The following VSTM4 variants were observed in gnomAD, a reference collection of about 807,000 sequenced individuals.
VSTM4 encodes V-set and transmembrane domain containing 4, also known as V-set and transmembrane domain-containing protein 4.
Under a neutral mutation model 36.4 loss-of-function variants are expected in VSTM4, and 20 were observed. That is an observed-to-expected ratio of 0.55 (90% CI 0.39 to 0.80). VSTM4 has a LOEUF of 0.80. Ranked by LOEUF, VSTM4 falls within the 30% of genes least tolerant of loss-of-function variation. VSTM4 has a pLI of 0.00. For missense variants in VSTM4, 392 were observed against 404.5 expected (o/e 0.97, Z 0.26); for synonymous variants, 182 against 173.9 (o/e 1.05, Z -0.37).
chr10:49,052,699 A>G (rs1843717333), intron 5 of VSTM4, among the ~76,000 whole-genome samples: 1 of 152,196 alleles, frequency 6.6e-6, no homozygotes, highest in Non-Finnish European at 1.5e-5. Context: ...TGCACGGTGT[A>G]GAATCAAATA....
In VSTM4 at chr10:49,107,647, T is replaced by C. The variant is rs772845976; in HGVS notation, c.404A>G (p.His135Arg). The C allele has an allele frequency of 1.2e-6, 2 of 1,613,880 alleles. No homozygotes were observed. The highest frequency in any genetic ancestry group is 1.1e-5 in the South Asian group (1 of 91,084). The change falls in exon 2 of 8, where the codon CAC becomes CGC. Residue 135 changes from histidine (H) to arginine (R), a missense_variant. Physicochemically the swap from His to Arg is conservative, Grantham distance 29. Coordinates refer to ENST00000332853, the MANE Select transcript of VSTM4 (RefSeq NM_001031746.5). ...GGACCAGGCCGTCCACTTGTTCCTGTGCCTGCTGATTTCCTGGACTCTGCA... is the reference window on the plus strand; with the variant it reads ...GGACCAGGCCGTCCACTTGTTCCTGCGCCTGCTGATTTCCTGGACTCTGCA... Reference protein sequence around the residue: ...YVCRVQEISRHRNKWTAWSNG... With the variant: ...YVCRVQEISRRRNKWTAWSNG...
At chr10:49,029,629 A>AGCAGACAG (rs1935160688) in intron 7 of VSTM4, among the ~76,000 whole-genome samples, 1 of 152,236 alleles carries the variant, frequency 6.6e-6, no homozygotes, top group Admixed American at 6.5e-5. Context: ...TATCCAGGTG[A>AGCAGACAG]GCAGACAGGC....
chr10:49,105,297 G>A (rs1844757793), intron 2 of VSTM4, among the ~76,000 whole-genome samples: 1 of 132,390 alleles, frequency 7.6e-6, no homozygotes, highest in African/African-American at 2.9e-5. Flanking sequence ...AAGAGACACA[G>A]AGGGAGGAAG....
In VSTM4 at chr10:49,057,357, T is replaced by C. The variant is rs543651038; in HGVS notation, c.668+7346A>G. Among the ~76,000 whole-genome samples, 14 of 152,294 alleles carry C rather than the reference T, an allele frequency of 9.2e-5. No individual in the cohort carries two copies. The South Asian group carries it at 2.3e-3, about 25-fold the overall frequency. On this transcript the variant is annotated intron_variant, in intron 5 of 7. Transcript: ENST00000332853. ...TTCTGAGAATAAGACATAAATCCAG[T>C]AAAGAGCTGGGCTGCACCAGTCTAC...
At chr10:49,093,474 A>G (rs1259161638) in intron 2 of VSTM4, among the ~76,000 whole-genome samples, 1 of 152,210 alleles carries the variant, frequency 6.6e-6, no homozygotes. Flanking sequence ...AGAAACAATG[A>G]TTTTTAAAAG....
chr10:49,040,345 T>C (rs1426096944), intron 7 of VSTM4, among the ~76,000 whole-genome samples: 1 of 151,552 alleles, frequency 6.6e-6, no homozygotes, highest in Non-Finnish European at 1.5e-5. Flanking sequence ...TGCAGTGGTG[T>C]GATCTCGGCT....
intron 7 of VSTM4, among the ~76,000 whole-genome samples, chr10:49,042,686 G>A (rs1484907808): frequency 6.6e-6 from 1 of 152,214 alleles, no homozygotes; most frequent in East Asian, 1.9e-4. Flanking sequence ...ACTCAACAGG[G>A]AGGGTGTGCA....
At chr10:49,048,863 G>C (rs1843655059) in intron 5 of VSTM4, among the ~76,000 whole-genome samples, 1 of 152,174 alleles carries the variant, frequency 6.6e-6, no homozygotes, top group African/African-American at 2.4e-5. Flanking sequence ...TCCTTGGAGG[G>C]ACCCAGCGTT....
At chr10:49,052,415 T>A (rs1267579346) in intron 5 of VSTM4, among the ~76,000 whole-genome samples, 1 of 147,690 alleles carries the variant, frequency 6.8e-6, no homozygotes, top group Non-Finnish European at 1.5e-5. Context: ...GAAGGATAGC[T>A]CCTTCTCTTG....
chr10:49,098,972 T>C (rs1042449960), intron 2 of VSTM4, among the ~76,000 whole-genome samples: 2 of 152,270 alleles, frequency 1.3e-5, no homozygotes, highest in Non-Finnish European at 2.9e-5. Flanking sequence ...GTGCTATTTC[T>C]TCACTGAGCC....
At chr10:49,072,297 C>T (rs985049085) in intron 4 of VSTM4, among the ~76,000 whole-genome samples, 4 of 152,168 alleles carry the variant, frequency 2.6e-5, no homozygotes, top group Non-Finnish European at 5.9e-5. Flanking sequence ...GCCCAAACCC[C>T]TTCTAAACCT....
chr10:49,096,077 T>G (rs1292805796), intron 2 of VSTM4, among the ~76,000 whole-genome samples: 1 of 152,238 alleles, frequency 6.6e-6, no homozygotes, highest in Admixed American at 6.5e-5. Flanking sequence ...TGTTGACACT[T>G]TAAACACCAT....
At chr10:49,100,634 A>T (rs558952941) in intron 2 of VSTM4, among the ~76,000 whole-genome samples, 1 of 152,318 alleles carries the variant, frequency 6.6e-6, no homozygotes, top group East Asian at 1.9e-4. Flanking sequence ...CTGGATAGGA[A>T]CATTTAAAAT....
intron 7 of VSTM4, among the ~76,000 whole-genome samples, chr10:49,042,456 G>T (rs1056514298): frequency 8.5e-5 from 13 of 152,228 alleles, no homozygotes; most frequent in Admixed American, 2.0e-4. Context: ...CAGGAGCAAG[G>T]CTGAGCCACA....
chr10:49,023,069 GA>G (rs1215591183), intron 7 of VSTM4, among the ~76,000 whole-genome samples: 31 of 152,140 alleles, frequency 2.0e-4, no homozygotes, highest in African/African-American at 5.8e-4. Context: ...TTCATAAGTG[GA>G]AAAGGTACTT....
chr10:49,023,386 C>T (rs573219812), intron 7 of VSTM4, among the ~76,000 whole-genome samples: 2 of 152,362 alleles, frequency 1.3e-5, no homozygotes, highest in South Asian at 2.1e-4. Flanking sequence ...GCATATTCCT[C>T]ACTGGTTTTC....
chr10:49,081,506 G>A (rs765259235), intron 3 of VSTM4, among the ~76,000 whole-genome samples: 13 of 152,238 alleles, frequency 8.5e-5, no homozygotes, highest in East Asian at 1.9e-4. Context: ...GGTAAGAACC[G>A]CAGTAGGCAT....
chr10:49,114,162 G>A (rs775335300), intron 1 of VSTM4, among the ~76,000 whole-genome samples: 1 of 152,082 alleles, frequency 6.6e-6, no homozygotes, highest in Non-Finnish European at 1.5e-5. Context: ...AGTGACAACT[G>A]GGAAAAGGTA....
intron 1 of VSTM4, among the ~76,000 whole-genome samples, chr10:49,111,287 A>C (rs980926068): frequency 6.6e-6 from 1 of 152,192 alleles, no homozygotes; most frequent in East Asian, 1.9e-4. Context: ...CCCCGCAGTC[A>C]TCAGGACCAT....
Sources: gnomAD v4.1 joint callset for allele counts (sites outside exome capture counted in the v4.1 genomes callset) on GRCh38, gnomAD v4.1.1 for gene constraint, MANE v1.5 for transcripts, NCBI Gene and HGNC (gene_info 2026-07-23, HGNC 2026-07-21) for gene names.